RPS8: variants seen among roughly 807,000 people sequenced by gnomAD.
RPS8 encodes ribosomal protein S8, also known as small ribosomal subunit protein eS8.
For synonymous variants in RPS8, 100 were observed against 100.7 expected, an observed-to-expected ratio of 0.99 and a Z score of 0.04; for missense variants, 141 against 269.7, an observed-to-expected ratio of 0.52 and a Z score of 3.34.
intron 2 of RPS8, 88 bp from the exon 3 acceptor site, chr1:44,776,587 A>G (rs1383989603): frequency 9.3e-7 from 1 of 1,075,190 alleles, no homozygotes; most frequent in African/African-American, 1.5e-5. Flanking sequence ...AGTTACACTG[A>G]CTGTTGCCTC....
Position 44,776,684 on chromosome 1 carries a change from C to T in RPS8, c.121C>T (p.Arg41Cys). The T allele has an allele frequency of 6.2e-7, 1 of 1,613,896 alleles. No homozygotes were observed. Among genetic ancestry groups the T allele is most frequent in the African/African-American group, 1.3e-5 (1 of 74,992 alleles). Residue 41 changes from arginine (R) to cysteine (C), a missense_variant, in exon 3 of 6, where the codon CGC becomes TGC. By Grantham distance (180) the Arg-to-Cys change is radical. Transcript: ENST00000396651. ...ACCTTGTGTTTTCCAGATTGGCCCC[C>T]GCCGCATCCACACAGTCCGTGTGCG... ...RPAANTKIGP[R>C]RIHTVRVRGG...
rs756591403 is a variant in RPS8, at chr1:44,776,774, T to G, written c.211T>G (p.Cys71Gly). ...DVGNFSWGSECCTRKTRIIDV... is the reference protein window; with the variant it reads ...DVGNFSWGSEGCTRKTRIIDV... ...GGGGAATTTCTCCTGGGGCTCAGAG[T>G]GTGAGTGAGGCCCTTTGGGAGTGGG... Residue 71 changes from cysteine to glycine, a missense_variant and splice_region_variant, in exon 3 of 6, where the codon TGT becomes GGT. By Grantham distance (159) the Cys-to-Gly change is radical (BLOSUM62 -3). Transcript: ENST00000396651. The G allele has an allele frequency of 7.5e-6, 12 of 1,600,080 alleles. No individual in the cohort carries two copies. The African/African-American group carries it at 1.1e-4, about 14-fold the overall frequency.
In RPS8 at chr1:44,775,817, C is replaced by T. The variant is rs570015252; in HGVS notation, c.4+217C>T. ...CGGGCCGCGGGCTGCGGGCTCCGAGCGGCGCCAACATGGCTGCCGCGAGGA... is the reference window on the plus strand; with the variant it reads ...CGGGCCGCGGGCTGCGGGCTCCGAGTGGCGCCAACATGGCTGCCGCGAGGA... On this transcript the variant is annotated intron_variant, in intron 1 of 5. Transcript: ENST00000396651. 1.3e-4 allele frequency: 104 copies of T among 779,428 alleles called. 1 individual carries two copies. The South Asian group carries it at 1.5e-3, about 11-fold the overall frequency. The allele number at this position is 779,428 out of a possible 1,614,324, so 48.3% of individuals were successfully genotyped here. A position where few individuals can be genotyped will look rare whatever the true frequency, so the allele number is the denominator to read the frequency against.
At chr1:44,777,369 CCTG>C in intron 3 of RPS8, 4 of 495,766 alleles carry the variant, frequency 8.1e-6, no homozygotes, top group South Asian at 2.3e-5. Context: ...CCGTGCCCGA[CCTG>C]CTCTGATCTT....
At chr1:44,778,391 C>T (rs1280735333) in intron 5 of RPS8, 185 bp from the exon 6 acceptor site, 1 of 804,244 alleles carries the variant, frequency 1.2e-6, no homozygotes. Context: ...AGGGGGCTGT[C>T]TCAGTGATGA....
intron 3 of RPS8, 48 bp downstream of exon 3, chr1:44,776,822 CT>C: frequency 1.4e-6 from 2 of 1,426,644 alleles, no homozygotes; most frequent in Non-Finnish European, 1.9e-6. Flanking sequence ...CCTAAACGGT[CT>C]TAAGATTCAC....
At chr1:44,776,232 T>C (rs1650848653) in intron 2 of RPS8, 92 bp downstream of exon 2, 1 of 899,344 alleles carries the variant, frequency 1.1e-6, no homozygotes, top group Admixed American at 2.8e-5. Context: ...TTGTGCGTTC[T>C]TTCTTGGGCT....
chr1:44,778,752 T>G lies in RPS8; in HGVS notation c.*67T>G. 1 of 1,090,554 alleles carries G rather than the reference T, an allele frequency of 9.2e-7. No individual in the cohort carries two copies. The highest frequency in any genetic ancestry group is 1.5e-5 in the South Asian group (1 of 67,396). The allele number at this position is 1,090,554 out of a possible 1,614,324, so 67.6% of individuals were successfully genotyped here. ...GTTTTGTTCCCACATTTATGTTGCC[T>G]GAATATATGACTGTTTTCTCTGCTT... On this transcript the variant is annotated 3_prime_UTR_variant, in exon 6 of 6. Transcript: ENST00000396651.
chr1:44,776,532 G>A (rs369273413), intron 2 of RPS8, 143 bp from the exon 3 acceptor site: 15 of 795,308 alleles, frequency 1.9e-5, no homozygotes, highest in African/African-American at 1.5e-4. Context: ...GGTTGTGGCC[G>A]TCTTGGTCAC....
At position 44,777,595 on chromosome 1, in the gene RPS8, A is replaced by G. The variant is rs1244308119; in HGVS notation, c.212-19A>G. 3 of 1,607,078 alleles carry G rather than the reference A, an allele frequency of 1.9e-6. No homozygotes were observed. The South Asian group carries it at 3.3e-5, about 18-fold the overall frequency. On this transcript the variant is annotated intron_variant, in intron 3 of 5. Transcript: ENST00000396651. ...TTTGTCCTCCAGTTTACTTGATGCC[A>G]AATTTCTCCTGTGAGCAGGTTGTAC...
Position 44,778,125 on chromosome 1 carries a change from T to G in RPS8, c.513T>G (p.Leu171=). 1 of 1,593,916 alleles carries G rather than the reference T, an allele frequency of 6.3e-7. No individual in the cohort carries two copies. Among genetic ancestry groups the G allele is most frequent in the Non-Finnish European group, 8.5e-7 (1 of 1,169,826 alleles). The part of the protein sequence containing the change: ...LLEEQFQQGK[L]LACIASRPGQ... ...AGGAGCAGTTCCAGCAGGGCAAGCT[T>G]CTTGGTGAGAAGGCTGTTGTGTTGG... The change falls in exon 5 of 6, where the codon CTT becomes CTG. Residue 171 remains leucine (L), a synonymous_variant. Coordinates refer to ENST00000396651, the MANE Select transcript of RPS8 (RefSeq NM_001012.2).
chr1:44,778,181 G>A lies in RPS8; in HGVS notation c.517+52G>A, dbSNP rs76452876. ...GGGAGTCGCAGAGATTGAGTGTGCC[G>A]AGGCACTTTTCCCTTGTCTCAGTTC... is the stretch of plus-strand genomic sequence containing the variant. On this transcript the variant is annotated intron_variant, in intron 5 of 5. Transcript: ENST00000396651. 6.2e-4 allele frequency: 990 copies of A among 1,587,644 alleles called. 6 individuals carry two copies. In the African/African-American group the frequency reaches 0.011, roughly 18 times the overall value.
At chr1:44,776,801 G>A in intron 3 of RPS8, 27 bp downstream of exon 3, 1 of 1,530,244 alleles carries the variant, frequency 6.5e-7, no homozygotes, top group South Asian at 1.2e-5. Context: ...GGGAGTGGGT[G>A]GGAAAACGCA....
intron 1 of RPS8, 42 bp from the exon 2 acceptor site, chr1:44,775,992 A>C (rs1376057160): frequency 1.3e-6 from 2 of 1,578,516 alleles, no homozygotes; most frequent in African/African-American, 2.7e-5. Flanking sequence ...GCTAGCACCG[A>C]GTCACAGTGG....
chr1:44,778,462 C>G lies in RPS8; in HGVS notation c.518-114C>G, dbSNP rs746383539. On this transcript the variant is annotated intron_variant, in intron 5 of 5. Coordinates refer to ENST00000396651, the MANE Select transcript of RPS8 (RefSeq NM_001012.2). ...AGATAAAGTGTGTCTGAGGAGACAGCTGGCTTCATGCTTGCCCCCAGGGTA... is the reference window on the plus strand; with the variant it reads ...AGATAAAGTGTGTCTGAGGAGACAGGTGGCTTCATGCTTGCCCCCAGGGTA... 4.0e-5 allele frequency: 35 copies of G among 878,670 alleles called. No individual in the cohort carries two copies. The East Asian group carries it at 8.2e-4, about 21-fold the overall frequency. 54.4% of individuals were successfully genotyped at this position (878,670 alleles called of 1,614,324 possible). A position where few individuals can be genotyped will look rare whatever the true frequency, so the allele number is the denominator to read the frequency against.
At position 44,778,572 on chromosome 1, in the gene RPS8, G is replaced by C; in HGVS notation, c.518-4G>C. ...TGTGCTAAGGATCACCTACTCTCTT[G>C]CAGCGTGCATCGCTTCAAGGCCGGG... On this transcript the variant is annotated splice_region_variant and splice_polypyrimidine_tract_variant and intron_variant, in intron 5 of 5. Coordinates refer to ENST00000396651, the MANE Select transcript of RPS8 (RefSeq NM_001012.2). 6.2e-7 allele frequency: 1 copy of C among 1,611,524 alleles called. No homozygotes were observed. The highest frequency in any genetic ancestry group is 8.5e-7 in the Non-Finnish European group (1 of 1,177,682).
Position 44,775,618 on chromosome 1 carries a change from T to C in RPS8, c.4+18T>C, listed in dbSNP as rs1471815787. Reference sequence around the variant, plus strand: ...AGCGATGGGTGAGTGTCGCTCTGCATTGAGGCGGGTGAAGGGAGGTTGAGC... The same window carrying C: ...AGCGATGGGTGAGTGTCGCTCTGCACTGAGGCGGGTGAAGGGAGGTTGAGC... On this transcript the variant is annotated intron_variant, in intron 1 of 5. Coordinates refer to ENST00000396651, the MANE Select transcript of RPS8 (RefSeq NM_001012.2). 6.2e-6 allele frequency: 10 copies of C among 1,614,094 alleles called. No homozygotes were observed. Among genetic ancestry groups the C allele is most frequent in the South Asian group, 3.3e-5 (3 of 91,086 alleles).
chr1:44,776,476 T>C (rs762068307), intron 2 of RPS8, 199 bp from the exon 3 acceptor site: 1 of 763,414 alleles, frequency 1.3e-6, no homozygotes, highest in Non-Finnish European at 2.4e-6. Context: ...GGGTCAGGCT[T>C]TCCTCTTGGA....
chr1:44,778,112 A>T lies in RPS8; in HGVS notation c.500A>T (p.Gln167Leu), dbSNP rs776262530. Residue 167 changes from glutamine (Q) to leucine (L), a missense_variant, in exon 5 of 6, where the codon CAG becomes CTG. Coordinates refer to ENST00000396651, the MANE Select transcript of RPS8 (RefSeq NM_001012.2). ...AGCAGTCTCCTGGAGGAGCAGTTCCAGCAGGGCAAGCTTCTTGGTGAGAAG... is the reference window on the plus strand; with the variant it reads ...AGCAGTCTCCTGGAGGAGCAGTTCCTGCAGGGCAAGCTTCTTGGTGAGAAG... ...KISSLLEEQF[Q>L]QGKLLACIAS... The T allele has an allele frequency of 2.8e-5, 45 of 1,596,448 alleles. No homozygotes were observed. Among genetic ancestry groups the T allele is most frequent in the Non-Finnish European group, 3.8e-5 (45 of 1,171,096 alleles).
Sources: allele counts gnomAD v4.1 joint callset, GRCh38; gene constraint gnomAD v4.1.1; transcripts MANE v1.5; gene names NCBI Gene and HGNC (gene_info 2026-07-23, HGNC 2026-07-21).